F13B: variants seen among roughly 807,000 people sequenced by gnomAD.
F13B encodes the protein coagulation factor XIII B chain, also known as TGase.
F13B carries 58 observed loss-of-function variants against 79.8 expected under a neutral mutation model. The ratio of observed to expected loss-of-function variants is 0.73; its 90% confidence interval spans 0.59 to 0.90. The LOEUF is 0.90. Among genes scored for constraint, F13B ranks in the 40% least tolerant of loss-of-function variants. The pLI is 0.00. For missense variants in F13B, 773 were observed against 777.0 expected (o/e 0.99, Z 0.06); for synonymous variants, 283 against 260.3 (o/e 1.09, Z -0.84).
rs17549568 is a variant in F13B at position 197,063,639 on chromosome 1, T to C, written c.65-582A>G. 1.1e-3 allele frequency among the ~76,000 whole-genome samples: 173 copies of C among 152,256 alleles called. 1 individual carries two copies. The highest frequency in any genetic ancestry group is 3.8e-3 in the African/African-American group (159 of 41,568). ...CCCTGCCTGCACTTCCTAATAGATA[T>C]GTATTGTAAGTCACTTATGTAATTT... On this transcript the variant is annotated intron_variant, in intron 1 of 11. Transcript: ENST00000367412.
chr1:197,045,255 G>T (rs1263315150), intron 10 of F13B, among the ~76,000 whole-genome samples: 1 of 151,918 alleles, frequency 6.6e-6, no homozygotes, highest in Non-Finnish European at 1.5e-5. Flanking sequence ...AAACTACATA[G>T]ACTGAGAGCA....
At chr1:197,060,574 C>A (rs1388511267) in intron 4 of F13B, 32 bp from the exon 5 acceptor site, 1 of 1,451,174 alleles carries the variant, frequency 6.9e-7, no homozygotes, top group Admixed American at 1.8e-5. Flanking sequence ...AAATTACAAA[C>A]AAATGTTTAT....
intron 10 of F13B, among the ~76,000 whole-genome samples, chr1:197,043,464 G>T (rs1269440710): frequency 1.3e-5 from 2 of 151,972 alleles, no homozygotes; most frequent in Non-Finnish European, 2.9e-5. Context: ...AAGAATTTGG[G>T]GCTAAAAAAT....
chr1:197,061,470 C>A (rs998050230), intron 3 of F13B, among the ~76,000 whole-genome samples: 2 of 152,014 alleles, frequency 1.3e-5, no homozygotes, highest in African/African-American at 4.8e-5. Flanking sequence ...AAATAATGTA[C>A]ATGATCTTAA....
intron 7 of F13B, among the ~76,000 whole-genome samples, chr1:197,056,447 A>G (rs1655643997): frequency 6.6e-6 from 1 of 152,182 alleles, no homozygotes; most frequent in South Asian, 2.1e-4. Flanking sequence ...GAGATAGATG[A>G]CAGGAAGAGT....
intron 1 of F13B, among the ~76,000 whole-genome samples, chr1:197,065,201 C>T (rs1656003872): frequency 1.3e-5 from 2 of 152,112 alleles, no homozygotes; most frequent in Admixed American, 1.3e-4. Context: ...CAGGGAGGGG[C>T]AGCAAAGTAT....
chr1:197,057,893 T>G (rs759388783), intron 5 of F13B, among the ~76,000 whole-genome samples: 23 of 152,284 alleles, frequency 1.5e-4, no homozygotes, highest in Middle Eastern at 3.4e-3. Flanking sequence ...AGTTCAGCAG[T>G]CTGCAAAGCA....
rs369146213 is a variant in F13B at position 197,067,023 on chromosome 1, T to C, written c.64+137A>G. On this transcript the variant is annotated intron_variant, in intron 1 of 11. Coordinates refer to ENST00000367412, the MANE Select transcript of F13B (RefSeq NM_001994.3). ...CTCAAAGGAAAAGGTCTAAATATTATAAAAAGTTATATTTATAAAATATGT... is the reference window on the plus strand; with the variant it reads ...CTCAAAGGAAAAGGTCTAAATATTACAAAAAGTTATATTTATAAAATATGT... The C allele has an allele frequency of 1.4e-4, 66 of 457,706 alleles. No homozygotes were observed. In the East Asian group the frequency reaches 1.6e-3, roughly 11 times the overall value. The allele number at this position is 457,706 out of a possible 1,614,324, so 28.4% of individuals were successfully genotyped here.
At chr1:197,047,784 T>TAA in intron 10 of F13B, among the ~76,000 whole-genome samples, 1 of 152,246 alleles carries the variant, frequency 6.6e-6, no homozygotes, top group East Asian at 1.9e-4. Context: ...ATGTGGCACA[T>TAA]ACACACCATG....
intron 5 of F13B, among the ~76,000 whole-genome samples, chr1:197,058,857 C>T (rs2125069833): frequency 6.6e-6 from 1 of 152,100 alleles, no homozygotes; most frequent in Admixed American, 6.5e-5. Context: ...CATTGTATGC[C>T]TAATGACTGT....
At chr1:197,056,432 G>C (rs1655643609) in intron 7 of F13B, among the ~76,000 whole-genome samples, 1 of 152,090 alleles carries the variant, frequency 6.6e-6, no homozygotes, top group Non-Finnish European at 1.5e-5. Flanking sequence ...ATCTGATTAA[G>C]AAATGAGATA....
At position 197,063,018 on chromosome 1, in the gene F13B, A is replaced by G. The variant is rs1459223017; in HGVS notation, c.104T>C (p.Ile35Thr). 6.2e-7 allele frequency: 1 copy of G among 1,612,832 alleles called. No individual in the cohort carries two copies. The highest frequency in any genetic ancestry group is 8.5e-7 in the Non-Finnish European group (1 of 1,179,670). The change falls in exon 2 of 12, where the codon ATT becomes ACT. Residue 35 changes from isoleucine (I) to threonine (T), a missense_variant. Transcript: ENST00000367412. ...TTTAAAAGTATAGTAATATTGGGCA[A>G]TTCTTCCATTTTCCACATGAGGAAA... ...CGFPHVENGR[I>T]AQYYYTFKSF...
intron 11 of F13B, 98 bp from the exon 12 acceptor site, chr1:197,039,509 GT>G: frequency 1.1e-6 from 1 of 908,140 alleles, no homozygotes. Context: ...ATGAGTCATT[GT>G]TTTTATTAAG....
At chr1:197,065,493 T>C (rs1656015554) in intron 1 of F13B, among the ~76,000 whole-genome samples, 2 of 152,266 alleles carry the variant, frequency 1.3e-5, no homozygotes, top group African/African-American at 4.8e-5. Flanking sequence ...TATCACTTTA[T>C]GAATAACCAT....
intron 1 of F13B, among the ~76,000 whole-genome samples, chr1:197,064,478 T>C (rs886385359): frequency 2.0e-5 from 3 of 152,188 alleles, no homozygotes; most frequent in Non-Finnish European, 4.4e-5. Context: ...GTGAATCTCA[T>C]AAACATAATA....
At chr1:197,050,954 CAG>C (rs1169083509) in intron 9 of F13B, 75 bp from the exon 10 acceptor site, 47 of 1,266,968 alleles carry the variant, frequency 3.7e-5, no homozygotes, top group Non-Finnish European at 5.1e-5. Context: ...GCTACAGAGA[CAG>C]AGTCTCCCTC....
At chr1:197,065,351 G>A (rs959643663) in intron 1 of F13B, among the ~76,000 whole-genome samples, 3 of 152,058 alleles carry the variant, frequency 2.0e-5, no homozygotes, top group Non-Finnish European at 4.4e-5. Context: ...AAAAATTAAT[G>A]AGAAATGTGA....
At chr1:197,064,963 T>C (rs142127682) in intron 1 of F13B, among the ~76,000 whole-genome samples, 93 of 152,220 alleles carry the variant, frequency 6.1e-4, no homozygotes, top group African/African-American at 2.1e-3. Context: ...CTAGTAGTGC[T>C]AGCCTAGGTT....
At chr1:197,042,753 G>A (rs1417169564) in intron 10 of F13B, among the ~76,000 whole-genome samples, 1 of 147,324 alleles carries the variant, frequency 6.8e-6, no homozygotes, top group African/African-American at 2.5e-5. Flanking sequence ...CCTAGAAGGT[G>A]GAGGTTGCAG....
Sources: allele counts gnomAD v4.1 joint callset (sites outside exome capture counted in the v4.1 genomes callset), GRCh38; gene constraint gnomAD v4.1.1; transcripts MANE v1.5; gene names NCBI Gene and HGNC (gene_info 2026-07-23, HGNC 2026-07-21).